NPAT: variants seen among roughly 807,000 people sequenced by gnomAD.
The protein encoded by NPAT is nuclear protein, coactivator of histone transcription.
Under a neutral mutation model 130.7 loss-of-function variants are expected in NPAT, and 52 were observed. The observed-to-expected ratio is 0.40, with a 90% confidence interval of 0.32 to 0.50. The LOEUF (loss-of-function observed/expected upper bound fraction) is 0.50. Ranked by LOEUF, NPAT falls within the 20% of genes least tolerant of loss-of-function variation. The probability of loss-of-function intolerance (pLI) is 0.68; values close to 1 mark genes in which losing one functional copy is unlikely to be tolerated. For missense variants in NPAT, 1,687 were observed against 1,662.6 expected (o/e 1.01, Z -0.26); for synonymous variants, 580 against 584.8 (o/e 0.99, Z 0.12).
chr11:108,176,444 G>A (rs2078007209), intron 11 of NPAT, 70 bp from the exon 12 acceptor site: 2 of 1,135,614 alleles, frequency 1.8e-6, no homozygotes, highest in Non-Finnish European at 2.6e-6. Flanking sequence ...AATACAGCTT[G>A]TTGGTGATTA....
chr11:108,221,525 C>A (rs1410833514), intron 1 of NPAT, among the ~76,000 whole-genome samples: 1 of 152,186 alleles, frequency 6.6e-6, no homozygotes, highest in Non-Finnish European at 1.5e-5. Flanking sequence ...AAGAGCCCTG[C>A]GCAAATAACA....
At chr11:108,217,483 TTATA>T (rs2078444853) in intron 1 of NPAT, among the ~76,000 whole-genome samples, 1 of 152,184 alleles carries the variant, frequency 6.6e-6, no homozygotes, top group African/African-American at 2.4e-5. Flanking sequence ...ATTAGTTTGA[TTATA>T]TATCATTTTG....
Position 108,159,033 on chromosome 11 carries a change from G to T in NPAT, c.4207-14C>A. Reference sequence around the variant, plus strand: ...AAGCTTCTTTTTCTGTTGAAAAAGAGAAAGAAAAAATAAACTCAAAACAAG... The same window carrying T: ...AAGCTTCTTTTTCTGTTGAAAAAGATAAAGAAAAAATAAACTCAAAACAAG... On this transcript the variant is annotated splice_polypyrimidine_tract_variant and intron_variant, in intron 17 of 17. Transcript: ENST00000278612. The T allele has an allele frequency of 6.4e-7, 1 of 1,574,546 alleles. No individual in the cohort carries two copies. The highest frequency in any genetic ancestry group is 8.7e-7 in the Non-Finnish European group (1 of 1,151,268).
At chr11:108,168,212 C>A (rs995410900) in intron 15 of NPAT, among the ~76,000 whole-genome samples, 1 of 152,078 alleles carries the variant, frequency 6.6e-6, no homozygotes, top group Non-Finnish European at 1.5e-5. Context: ...AATAAGCCCC[C>A]AAAGAAACTC....
chr11:108,205,691 G>A (rs976348353), intron 1 of NPAT, among the ~76,000 whole-genome samples: 10 of 152,136 alleles, frequency 6.6e-5, no homozygotes, highest in African/African-American at 2.2e-4. Flanking sequence ...TACTAAAGGG[G>A]GACTCCTTCA....
At chr11:108,187,394 G>T (rs924575277) in intron 7 of NPAT, among the ~76,000 whole-genome samples, 1 of 152,204 alleles carries the variant, frequency 6.6e-6, no homozygotes, top group East Asian at 1.9e-4. Context: ...CGAGGCTGCA[G>T]TGAGTTATGA....
intron 1 of NPAT, among the ~76,000 whole-genome samples, chr11:108,203,402 G>C (rs1291785999): frequency 2.6e-5 from 4 of 152,124 alleles, no homozygotes; most frequent in Admixed American, 2.6e-4. Flanking sequence ...CACTGGGAGT[G>C]ACCTTATACC....
chr11:108,200,490 G>GCAGA (rs1043130437), intron 1 of NPAT, among the ~76,000 whole-genome samples: 2 of 152,124 alleles, frequency 1.3e-5, no homozygotes, highest in Non-Finnish European at 2.9e-5. Context: ...TCACCCTAGT[G>GCAGA]CAGACCAATA....
intron 8 of NPAT, among the ~76,000 whole-genome samples, chr11:108,186,105 C>G (rs529898920): frequency 6.6e-6 from 1 of 152,042 alleles, no homozygotes; most frequent in African/African-American, 2.4e-5. Context: ...CAGCCTTGAC[C>G]TCCCAGGCTC....
At chr11:108,210,516 AAGCAGATGCC>A (rs1339593032) in intron 1 of NPAT, among the ~76,000 whole-genome samples, 32 of 152,202 alleles carry the variant, frequency 2.1e-4, no homozygotes, top group Admixed American at 2.1e-3. Context: ...TCCAGAAGGC[AAGCAGATGCC>A]AGCACCATGC....
At chr11:108,196,746 A>G (rs750583915) in intron 2 of NPAT, among the ~76,000 whole-genome samples, 7 of 152,326 alleles carry the variant, frequency 4.6e-5, no homozygotes, top group Non-Finnish European at 8.8e-5. Context: ...GGATTTGTGT[A>G]TATTCTGTAT....
chr11:108,198,514 G>C (rs573484907), intron 1 of NPAT, among the ~76,000 whole-genome samples: 3 of 152,278 alleles, frequency 2.0e-5, no homozygotes, highest in African/African-American at 7.2e-5. Context: ...CAAGCAGACG[G>C]GTAGGGTACC....
intron 1 of NPAT, among the ~76,000 whole-genome samples, chr11:108,215,766 GT>G (rs752607864): frequency 1.3e-5 from 2 of 152,298 alleles, no homozygotes; most frequent in East Asian, 3.9e-4. Flanking sequence ...TGATGAATCT[GT>G]TTTCCAACCT....
intron 12 of NPAT, among the ~76,000 whole-genome samples, chr11:108,175,986 T>C (rs1165324681): frequency 6.6e-6 from 1 of 152,136 alleles, no homozygotes; most frequent in Non-Finnish European, 1.5e-5. Flanking sequence ...CACTCCAGCC[T>C]GGATGACAAG....
At chr11:108,173,895 A>G in intron 12 of NPAT, 44 bp from the exon 13 acceptor site, 1 of 1,554,960 alleles carries the variant, frequency 6.4e-7, no homozygotes, top group Non-Finnish European at 8.9e-7. Flanking sequence ...AAATATGTTC[A>G]GCTTCTGAGG....
chr11:108,203,690 A>T (rs959591420), intron 1 of NPAT, among the ~76,000 whole-genome samples: 1 of 152,150 alleles, frequency 6.6e-6, no homozygotes, highest in African/African-American at 2.4e-5. Context: ...GGACCCCTTA[A>T]TCCTGAACCC....
Position 108,161,543 on chromosome 11 carries a change from T to C in NPAT, c.3543A>G (p.Pro1181=). Residue 1181 remains proline (P), a synonymous_variant, in exon 17 of 18, where the codon CCA becomes CCG. Coordinates refer to ENST00000278612, the MANE Select transcript of NPAT (RefSeq NM_002519.3). ...GCCCAATAGATAGTTTTGAATTTTC[T>C]GGATTTTTCTGTCTTTCTACATCGC... is the stretch of plus-strand genomic sequence containing the variant. The part of the protein sequence containing the change: ...LCSDVERQKN[P]ENSKLSIGQQ... 2 of 1,614,254 alleles carry C rather than the reference T, an allele frequency of 1.2e-6. No individual in the cohort carries two copies. The highest frequency in any genetic ancestry group is 1.7e-6 in the Non-Finnish European group (2 of 1,180,046).
At chr11:108,203,395 T>C (rs1565325267) in intron 1 of NPAT, among the ~76,000 whole-genome samples, 1 of 152,186 alleles carries the variant, frequency 6.6e-6, no homozygotes, top group African/African-American at 2.4e-5. Flanking sequence ...AGGTCGGCAC[T>C]GGGAGTGACC....
At position 108,173,106 on chromosome 11, in the gene NPAT, T is replaced by G. The variant is rs1357920784; in HGVS notation, c.1878A>C (p.Gly626=). 6.2e-7 allele frequency: 1 copy of G among 1,614,064 alleles called. No homozygotes were observed. Among genetic ancestry groups the G allele is most frequent in the African/African-American group, 1.3e-5 (1 of 75,044 alleles). ...NVSGQVEIHL[G]DSLSSTKQPS... Reference sequence around the variant, plus strand: ...GTTGTTTAGTAGAAGACAGCGAATCTCCAAGATGAATTTCTACTTGTCCAG... The same window carrying G: ...GTTGTTTAGTAGAAGACAGCGAATCGCCAAGATGAATTTCTACTTGTCCAG... The change falls in exon 13 of 18, where the codon GGA becomes GGC. Residue 626 remains glycine, a synonymous_variant. Coordinates refer to ENST00000278612, the MANE Select transcript of NPAT (RefSeq NM_002519.3).
Sources: allele counts gnomAD v4.1 joint callset (sites outside exome capture counted in the v4.1 genomes callset), GRCh38; gene constraint gnomAD v4.1.1; transcripts MANE v1.5; gene names NCBI Gene and HGNC (gene_info 2026-07-23, HGNC 2026-07-21).